CAMTA1: variants seen among roughly 807,000 people sequenced by gnomAD.
CAMTA1 encodes the protein calmodulin-binding transcription activator 1.
A neutral mutation model predicts 170.9 loss-of-function variants in CAMTA1; 27 were observed. The observed-to-expected ratio is 0.16, with a 90% CI of 0.12 to 0.22. CAMTA1 has a LOEUF of 0.22. Among genes scored for constraint, CAMTA1 ranks in the 10% least tolerant of loss-of-function variants. CAMTA1 has a pLI of 1.00. For synonymous variants in CAMTA1, 833 were observed against 891.5 expected (o/e 0.93, Z 1.17); for missense variants, 1,619 against 2,217.2 (o/e 0.73, Z 5.42).
At chr1:7,451,336 G>A (rs999750795) in intron 5 of CAMTA1, among the ~76,000 whole-genome samples, 2 of 152,138 alleles carry the variant, frequency 1.3e-5, no homozygotes, top group African/African-American at 4.8e-5. Context: ...GCCCCAGGCA[G>A]CTCAGCCCCC....
Position 7,114,146 on chromosome 1 carries a change from G to A in CAMTA1, c.302+22775G>A, listed in dbSNP as rs566584634. 9.2e-5 allele frequency among the ~76,000 whole-genome samples: 14 copies of A among 152,276 alleles called. No homozygotes were observed. In the South Asian group the frequency reaches 2.7e-3, roughly 29 times the overall value. On this transcript the variant is annotated intron_variant, in intron 4 of 22. Transcript: ENST00000303635. ...GTTGATTCTGCAGAGCACCTAACAT[G>A]TGCCAAGGCCCTGAGCTGCTGCCCT...
At chr1:7,202,980 C>CA (rs1190928317) in intron 4 of CAMTA1, among the ~76,000 whole-genome samples, 2 of 152,178 alleles carry the variant, frequency 1.3e-5, no homozygotes, top group Non-Finnish European at 2.9e-5. Context: ...GCCAGTCTTT[C>CA]ATCATTAAGT....
intron 1 of CAMTA1, among the ~76,000 whole-genome samples, chr1:6,817,744 C>T (rs1336677230): frequency 6.6e-6 from 1 of 152,154 alleles, no homozygotes; most frequent in African/African-American, 2.4e-5. Flanking sequence ...GTGATCCTCC[C>T]ACCTCAGTCT....
At chr1:7,409,912 G>T (rs945395736) in intron 5 of CAMTA1, among the ~76,000 whole-genome samples, 3 of 152,164 alleles carry the variant, frequency 2.0e-5, no homozygotes, top group Admixed American at 6.5e-5. Flanking sequence ...TGATGGGTGG[G>T]CTGAGGCCTG....
intron 1 of CAMTA1, among the ~76,000 whole-genome samples, chr1:6,814,849 G>A (rs554510855): frequency 1.3e-5 from 2 of 152,208 alleles, no homozygotes; most frequent in East Asian, 3.9e-4. Context: ...CTGTTCCAAA[G>A]CCTGTAATCA....
chr1:7,112,284 T>C (rs1309106261), intron 4 of CAMTA1, among the ~76,000 whole-genome samples: 1 of 152,224 alleles, frequency 6.6e-6, no homozygotes, highest in African/African-American at 2.4e-5. Flanking sequence ...CTTAGAGACA[T>C]GGATGGACTT....
At chr1:7,406,607 TAC>T (rs932479360) in intron 5 of CAMTA1, among the ~76,000 whole-genome samples, 8 of 151,570 alleles carry the variant, frequency 5.3e-5, no homozygotes, top group African/African-American at 9.7e-5. Context: ...CACACGGATG[TAC>T]ACACACACAC....
chr1:6,798,194 G>C (rs1479720079), intron 1 of CAMTA1, among the ~76,000 whole-genome samples: 1 of 151,798 alleles, frequency 6.6e-6, no homozygotes, highest in Non-Finnish European at 1.5e-5. Context: ...CACCATGTTG[G>C]CCAGGCTGGT....
chr1:7,655,676 GATACACACCT>G (rs146132516), intron 7 of CAMTA1, among the ~76,000 whole-genome samples: 7,827 of 143,664 alleles, frequency 0.054, 264 homozygotes, highest in Non-Finnish European at 0.081. Context: ...CACACACACT[GATACACACCT>G]ATACACACAC....
chr1:6,790,337 C>G (rs1391738549), intron 1 of CAMTA1, among the ~76,000 whole-genome samples: 1 of 151,472 alleles, frequency 6.6e-6, no homozygotes, highest in Non-Finnish European at 1.5e-5. Context: ...GCAGCTTTCC[C>G]CCAGACTGTG....
chr1:6,979,810 C>A (rs1239342275), intron 3 of CAMTA1, among the ~76,000 whole-genome samples: 1 of 151,178 alleles, frequency 6.6e-6, no homozygotes, highest in Admixed American at 6.6e-5. Context: ...GGGGAGAGGA[C>A]CCCCGGCACC....
chr1:7,661,396 C>T (rs904315332), intron 7 of CAMTA1, among the ~76,000 whole-genome samples: 73 of 152,224 alleles, frequency 4.8e-4, no homozygotes, highest in Non-Finnish European at 8.1e-4. Context: ...TTCCCTTTCT[C>T]TTCCATTCCA....
chr1:7,646,471 G>A (rs1252852703), intron 7 of CAMTA1, among the ~76,000 whole-genome samples: 1 of 147,758 alleles, frequency 6.8e-6, no homozygotes, highest in Non-Finnish European at 1.5e-5. Context: ...CCTGGTGACT[G>A]AGGGTGGAGG....
rs78116825 is a variant in CAMTA1, at chr1:6,788,739, C to T, written c.45+3164C>T. 9.4e-3 allele frequency among the ~76,000 whole-genome samples: 1,430 copies of T among 152,062 alleles called. 9 individuals are homozygous for T. The highest frequency in any genetic ancestry group is 0.013 in the Non-Finnish European group (897 of 67,978). On this transcript the variant is annotated intron_variant, in intron 1 of 22. Transcript: ENST00000303635. ...GTTTTCCCTGGTAAGCAGGGGGCTC[C>T]GTGCAAGGCGCAGTGGAAGGAAAAG...
intron 11 of CAMTA1, among the ~76,000 whole-genome samples, chr1:7,730,571 C>G (rs1212057763): frequency 6.6e-6 from 1 of 152,152 alleles, no homozygotes; most frequent in African/African-American, 2.4e-5. Context: ...CCCCTCTTCG[C>G]TATTGAATAT....
intron 5 of CAMTA1, among the ~76,000 whole-genome samples, chr1:7,447,671 G>C (rs891481728): frequency 6.6e-6 from 1 of 151,992 alleles, no homozygotes; most frequent in Non-Finnish European, 1.5e-5. Context: ...AGTGCCACGG[G>C]CCTCCCAGCC....
intron 1 of CAMTA1, among the ~76,000 whole-genome samples, chr1:6,798,685 T>C (rs974354335): frequency 7.4e-6 from 1 of 135,300 alleles, no homozygotes; most frequent in African/African-American, 2.8e-5. Context: ...CAAGCTCCGC[T>C]TCCCGGGTTC....
intron 6 of CAMTA1, among the ~76,000 whole-genome samples, chr1:7,622,666 G>GT (rs1042530457): frequency 3.3e-4 from 51 of 152,316 alleles, no homozygotes; most frequent in Admixed American, 8.5e-4. Context: ...AAATGCTGAG[G>GT]TTTTTCTTCT....
chr1:6,964,698 G>A (rs543538463), intron 3 of CAMTA1, among the ~76,000 whole-genome samples: 23 of 152,208 alleles, frequency 1.5e-4, no homozygotes, highest in South Asian at 1.2e-3. Flanking sequence ...AGAAATCCCC[G>A]CAGACGCTGT....
Sources: allele counts gnomAD v4.1 joint callset (sites outside exome capture counted in the v4.1 genomes callset), GRCh38; gene constraint gnomAD v4.1.1; transcripts MANE v1.5; gene names NCBI Gene and HGNC (gene_info 2026-07-23, HGNC 2026-07-21).